The following SLIT1 variants were observed in gnomAD, a reference collection of about 807,000 sequenced individuals.
SLIT1 encodes the protein slit guidance ligand 1, also known as slit homolog 1 protein.
Under a neutral mutation model 186.1 loss-of-function variants are expected in SLIT1, and 66 were observed. The observed-to-expected ratio is 0.35, with a 90% CI of 0.29 to 0.44. The LOEUF (loss-of-function observed/expected upper bound fraction) is 0.44. SLIT1 is among the 20% of genes least tolerant of loss of function. SLIT1 has a pLI of 1.00. For synonymous variants in SLIT1, 761 were observed against 833.8 expected (o/e 0.91, Z 1.50); for missense variants, 1,638 against 2,037.4 (o/e 0.80, Z 3.77).
chr10:97,019,148 G>T (rs1263168036), intron 26 of SLIT1, 41 bp from the exon 27 acceptor site: 2 of 1,208,258 alleles, frequency 1.7e-6, no homozygotes, highest in African/African-American at 1.5e-5. Flanking sequence ...GGAGGGGTGG[G>T]CAGCACAGGG....
chr10:97,085,804 T>C (rs1849153690), intron 4 of SLIT1, among the ~76,000 whole-genome samples: 2 of 152,236 alleles, frequency 1.3e-5, no homozygotes, highest in Admixed American at 1.3e-4. Context: ...ACTTTATGCC[T>C]AGCATGGAGG....
intron 4 of SLIT1, among the ~76,000 whole-genome samples, chr10:97,091,988 G>A (rs1849237327): frequency 6.6e-6 from 1 of 152,228 alleles, no homozygotes; most frequent in Non-Finnish European, 1.5e-5. Context: ...AGAAAGGAAG[G>A]TTTTCGGCTA....
chr10:97,066,090 G>T lies in SLIT1; in HGVS notation c.414-4C>A. The T allele has an allele frequency of 2.5e-6, 4 of 1,597,984 alleles. No homozygotes were observed. Among genetic ancestry groups the T allele is most frequent in the Non-Finnish European group, 3.4e-6 (4 of 1,170,396 alleles). On this transcript the variant is annotated splice_polypyrimidine_tract_variant and splice_region_variant and intron_variant, in intron 4 of 36. Coordinates refer to ENST00000266058, the MANE Select transcript of SLIT1 (RefSeq NM_003061.3). ...GATGGCGTTCTCACTCAAGTCCCTG[G>T]GAGGATAAAGCCAGAGGGAGAGAAA...
chr10:97,120,453 CAT>C (rs2134686993), intron 4 of SLIT1, among the ~76,000 whole-genome samples: 1 of 152,344 alleles, frequency 6.6e-6, no homozygotes, highest in South Asian at 2.1e-4. Flanking sequence ...CCACTGCTCC[CAT>C]TTCACAGTTA....
Position 97,184,932 on chromosome 10 carries a change from AG to A in SLIT1, c.197+545del, listed in dbSNP as rs907088802. ...TAGGGGACCAACGCGTGGCACCTGC[AG>A]GGGAAGAATTCTCAAGGCTCTGGGG... On this transcript the variant is annotated intron_variant, in intron 1 of 36. Transcript: ENST00000266058. This position sits in a 1 kb window ranked among gnomAD's most constrained non-coding sequence, Gnocchi z 4.4. 3.9e-5 allele frequency among the ~76,000 whole-genome samples: 6 copies of A among 152,312 alleles called. No homozygotes were observed. The highest frequency in any genetic ancestry group is 7.4e-5 in the Non-Finnish European group (5 of 68,026).
rs751567413 is a variant in SLIT1, at chr10:97,046,979, T to C, written c.1709+12A>G. Reference sequence around the variant, plus strand: ...ATCCCAACAGACACCTTCTCGCCAATGGGTAACTCACATTTTCTTCAGATG... The same window carrying C: ...ATCCCAACAGACACCTTCTCGCCAACGGGTAACTCACATTTTCTTCAGATG... On this transcript the variant is annotated intron_variant, in intron 17 of 36. Transcript: ENST00000266058. 2 of 1,602,308 alleles carry C rather than the reference T, an allele frequency of 1.2e-6. No homozygotes were observed. The highest frequency in any genetic ancestry group is 1.7e-6 in the Non-Finnish European group (2 of 1,169,406).
chr10:97,082,985 T>A (rs902243724), intron 4 of SLIT1, among the ~76,000 whole-genome samples: 1 of 152,222 alleles, frequency 6.6e-6, no homozygotes, highest in Non-Finnish European at 1.5e-5. Flanking sequence ...TAATTGTAGC[T>A]CACTGCAGCC....
At chr10:97,063,357 TG>T in intron 8 of SLIT1, 97 bp downstream of exon 8, 1 of 1,366,006 alleles carries the variant, frequency 7.3e-7, no homozygotes, top group Non-Finnish European at 1.0e-6. Flanking sequence ...CAGGAGGTGA[TG>T]GGCAGGCCAG....
intron 13 of SLIT1, among the ~76,000 whole-genome samples, chr10:97,051,982 C>T (rs1179451907): frequency 1.3e-5 from 2 of 151,578 alleles, no homozygotes; most frequent in East Asian, 1.9e-4. Flanking sequence ...AATTATTTGG[C>T]GATCAAAAGG....
chr10:97,097,326 A>AT (rs1400224140), intron 4 of SLIT1, among the ~76,000 whole-genome samples: 3 of 152,238 alleles, frequency 2.0e-5, no homozygotes, highest in African/African-American at 7.2e-5. Context: ...ATGGGAATGC[A>AT]TCTGGCTCAT....
In SLIT1 at chr10:97,068,653, C is replaced by G. The variant is rs1016695287; in HGVS notation, c.414-2567G>C. Among the ~76,000 whole-genome samples the G allele has an allele frequency of 6.6e-6, 1 of 152,222 alleles. No homozygotes were observed. The highest frequency in any genetic ancestry group is 1.5e-5 in the Non-Finnish European group (1 of 68,028). On this transcript the variant is annotated intron_variant, in intron 4 of 36. Coordinates refer to ENST00000266058, the MANE Select transcript of SLIT1 (RefSeq NM_003061.3). This position sits in a 1 kb window ranked among gnomAD's most constrained non-coding sequence, Gnocchi z 4.2. ...CACCTGCTATCCCTGAGGCATCTCC[C>G]CTTCTTGTGGGGGAAGCTTCCTCCT...
chr10:97,148,538 C>T (rs1294118751), intron 4 of SLIT1, among the ~76,000 whole-genome samples: 4 of 152,062 alleles, frequency 2.6e-5, no homozygotes, highest in African/African-American at 9.7e-5. Flanking sequence ...TCTCAGCCTC[C>T]CAAAGTGTTG....
At chr10:97,035,136 A>C (rs74153751) in intron 22 of SLIT1, among the ~76,000 whole-genome samples, 1,616 of 146,090 alleles carry the variant, frequency 0.011, 28 homozygotes, top group African/African-American at 0.037. Context: ...TTCTCTTCTC[A>C]AAACTCCCGC....
At chr10:97,005,332 G>A (rs1157345095) in intron 32 of SLIT1, among the ~76,000 whole-genome samples, 1 of 152,214 alleles carries the variant, frequency 6.6e-6, no homozygotes, top group African/African-American at 2.4e-5. Context: ...GCAAAAGTGA[G>A]ATCTTTGCCT....
intron 4 of SLIT1, among the ~76,000 whole-genome samples, chr10:97,082,102 G>C (rs894353083): frequency 1.3e-5 from 2 of 152,220 alleles, no homozygotes; most frequent in Non-Finnish European, 1.5e-5. Context: ...CTTCTATATG[G>C]GGTGAAGCTG....
At chr10:97,005,376 C>T (rs1170799491) in intron 32 of SLIT1, among the ~76,000 whole-genome samples, 2 of 152,210 alleles carry the variant, frequency 1.3e-5, no homozygotes, top group Non-Finnish European at 2.9e-5. Flanking sequence ...GCTGTAGGAG[C>T]CATGATCATT....
At position 97,000,845 on chromosome 10, in the gene SLIT1, A is replaced by C. The variant is rs1372282129; in HGVS notation, c.*267T>G. 1 of 507,484 alleles carries C rather than the reference A, an allele frequency of 2.0e-6. No individual in the cohort carries two copies. Among genetic ancestry groups the C allele is most frequent in the Non-Finnish European group, 3.6e-6 (1 of 281,552 alleles). The allele number at this position is 507,484 out of a possible 1,614,324, so 31.4% of individuals were successfully genotyped here. A position where few individuals can be genotyped will look rare whatever the true frequency, so the allele number is the denominator to read the frequency against. ...CCTGACCTCACGCACACATTCACTC[A>C]ACAAATATTTATTAAGCGCCTATTT... On this transcript the variant is annotated 3_prime_UTR_variant, in exon 37 of 37. Coordinates refer to ENST00000266058, the MANE Select transcript of SLIT1 (RefSeq NM_003061.3).
intron 25 of SLIT1, among the ~76,000 whole-genome samples, chr10:97,023,940 G>A (rs1285598529): frequency 4.0e-5 from 6 of 151,524 alleles, no homozygotes; most frequent in Non-Finnish European, 8.8e-5. Flanking sequence ...GAAACTCAGT[G>A]GAAAAAGAAA....
At chr10:97,013,929 G>A in intron 29 of SLIT1, 90 bp downstream of exon 29, 2 of 1,564,750 alleles carry the variant, frequency 1.3e-6, no homozygotes, top group African/African-American at 1.4e-5. Flanking sequence ...AGACACTGAG[G>A]CAGGGATCCC....
Sources: allele counts gnomAD v4.1 joint callset (sites outside exome capture counted in the v4.1 genomes callset), GRCh38; gene constraint gnomAD v4.1.1; non-coding constraint Gnocchi (gnomAD v3.1); transcripts MANE v1.5; gene names NCBI Gene and HGNC (gene_info 2026-07-23, HGNC 2026-07-21).